CDK14: variants seen among roughly 807,000 people sequenced by gnomAD.
The protein encoded by CDK14 is cyclin dependent kinase 14, also known as cyclin-dependent kinase 14.
CDK14 carries 34 observed loss-of-function variants against 60.7 expected under a neutral mutation model. That is an observed-to-expected ratio of 0.56 (90% confidence interval 0.43 to 0.75). CDK14 has a LOEUF of 0.75. Ranked by LOEUF, CDK14 falls within the 30% of genes least tolerant of loss-of-function variation. The pLI is 0.00. For missense variants in CDK14, 482 were observed against 564.1 expected (o/e 0.85, Z 1.47); for synonymous variants, 197 against 203.7 (o/e 0.97, Z 0.28).
chr7:90,825,666 C>T (rs577472525), intron 5 of CDK14, among the ~76,000 whole-genome samples: 106 of 152,164 alleles, frequency 7.0e-4, no homozygotes, highest in Non-Finnish European at 1.2e-3. Flanking sequence ...GCAAATTATA[C>T]GAAATGTATT....
At chr7:90,810,569 G>A (rs1013202418) in intron 5 of CDK14, among the ~76,000 whole-genome samples, 13 of 152,182 alleles carry the variant, frequency 8.5e-5, no homozygotes, top group African/African-American at 3.1e-4. Flanking sequence ...CACAAGACAG[G>A]GATGCCCTCT....
chr7:91,100,587 C>A (rs1799123749), intron 12 of CDK14, among the ~76,000 whole-genome samples: 1 of 152,180 alleles, frequency 6.6e-6, no homozygotes, highest in Admixed American at 6.5e-5. Context: ...AAAATAGCAT[C>A]ATATTAGTAC....
chr7:90,886,372 C>T (rs1373113201), intron 6 of CDK14, among the ~76,000 whole-genome samples: 4 of 152,086 alleles, frequency 2.6e-5, no homozygotes, highest in African/African-American at 9.7e-5. Flanking sequence ...AGATATTTTA[C>T]CCAAAATTCT....
chr7:91,080,649 A>G (rs1462954869), intron 12 of CDK14, among the ~76,000 whole-genome samples: 1 of 152,168 alleles, frequency 6.6e-6, no homozygotes. Flanking sequence ...TACACCAGAT[A>G]ATATATACAG....
intron 8 of CDK14, among the ~76,000 whole-genome samples, chr7:90,921,077 A>G (rs1793235430): frequency 6.6e-6 from 1 of 152,208 alleles, no homozygotes. Context: ...CTGCCTGGAT[A>G]TAATAAAATG....
At chr7:91,195,000 A>G (rs771184930) in intron 14 of CDK14, among the ~76,000 whole-genome samples, 5 of 152,154 alleles carry the variant, frequency 3.3e-5, no homozygotes, top group African/African-American at 4.8e-5. Context: ...TCTGTTGCCA[A>G]TGGAAGTGAG....
chr7:90,929,511 TA>T, intron 8 of CDK14, among the ~76,000 whole-genome samples: 1 of 152,368 alleles, frequency 6.6e-6, no homozygotes. Flanking sequence ...GCTCAGATTT[TA>T]AAGTATCTCT....
At chr7:90,993,951 T>C (rs1795608011) in intron 10 of CDK14, among the ~76,000 whole-genome samples, 1 of 152,190 alleles carries the variant, frequency 6.6e-6, no homozygotes, top group South Asian at 2.1e-4. Flanking sequence ...GTCTTAAATG[T>C]TTTGAAAAAA....
chr7:91,014,074 A>G (rs1796237898), intron 10 of CDK14, among the ~76,000 whole-genome samples: 1 of 152,042 alleles, frequency 6.6e-6, no homozygotes, highest in Admixed American at 6.6e-5. Flanking sequence ...ACTAGATGAC[A>G]TCTCTTGTCT....
At chr7:90,818,702 T>C (rs1789439012) in intron 5 of CDK14, among the ~76,000 whole-genome samples, 2 of 152,216 alleles carry the variant, frequency 1.3e-5, no homozygotes, top group Admixed American at 1.3e-4. Context: ...CTCTCAACTT[T>C]GAAATTTATG....
chr7:91,088,061 C>G (rs1798690334), intron 12 of CDK14, among the ~76,000 whole-genome samples: 1 of 152,176 alleles, frequency 6.6e-6, no homozygotes. Context: ...TGTACACAAA[C>G]TGATGGATAA....
At chr7:90,989,415 C>T (rs1268848659) in intron 10 of CDK14, among the ~76,000 whole-genome samples, 2 of 152,090 alleles carry the variant, frequency 1.3e-5, no homozygotes, top group Admixed American at 1.3e-4. Flanking sequence ...TCAGCAGTTA[C>T]TCTGTAGCAC....
At position 90,882,135 on chromosome 7, in the gene CDK14, G is replaced by A. The variant is rs375298537; in HGVS notation, c.640-17156G>A. The stretch of plus-strand genomic sequence containing the variant: ...CTAAATGCCTCAATTAAAAGACACA[G>A]ACTGGCAAATTGGATAAGGAATCAA... On this transcript the variant is annotated intron_variant, in intron 6 of 14. Coordinates refer to ENST00000380050, the MANE Select transcript of CDK14 (RefSeq NM_001287135.2). Among the ~76,000 whole-genome samples the A allele has an allele frequency of 1.2e-4, 18 of 152,030 alleles. No homozygotes were observed. The South Asian group carries it at 3.7e-3, about 32-fold the overall frequency.
chr7:90,648,575 C>G (rs976257623), intron 2 of CDK14, among the ~76,000 whole-genome samples: 2 of 152,032 alleles, frequency 1.3e-5, no homozygotes, highest in Non-Finnish European at 2.9e-5. Flanking sequence ...AGATTCAGAT[C>G]TCACCCACCT....
rs567901199 is a variant in CDK14, at chr7:90,604,147, T to C, written c.92-71T>C. On this transcript the variant is annotated intron_variant, in intron 1 of 14. Coordinates refer to ENST00000380050, the MANE Select transcript of CDK14 (RefSeq NM_001287135.2). The stretch of plus-strand genomic sequence containing the variant: ...AACACCATACTGCCTTGTTTTTTTT[T>C]CTGTTTTCTATAACTTAGTCTCTTT... The C allele has an allele frequency of 5.9e-6, 6 of 1,017,774 alleles. No individual in the cohort carries two copies. In the Admixed American group the frequency reaches 1.7e-4, roughly 29 times the overall value. 63.0% of individuals were successfully genotyped at this position (1,017,774 alleles called of 1,614,324 possible). A position where few individuals can be genotyped will look rare whatever the true frequency, so the allele number is the denominator to read the frequency against.
chr7:91,083,715 G>A lies in CDK14; in HGVS notation c.1154+4235G>A, dbSNP rs140790389. The stretch of plus-strand genomic sequence containing the variant: ...CAGATAGGATTCTTGAAAGGAAAAA[G>A]AGGAGGACCTAAAATAGGAGATGCT... On this transcript the variant is annotated intron_variant, in intron 12 of 14. Transcript: ENST00000380050. Among the ~76,000 whole-genome samples, 51 of 152,312 alleles carry A rather than the reference G, an allele frequency of 3.3e-4. 3 individuals carry two copies. The highest frequency in any genetic ancestry group is 1.2e-3 in the African/African-American group (49 of 41,570).
intron 6 of CDK14, among the ~76,000 whole-genome samples, chr7:90,864,963 A>G (rs1791128799): frequency 6.6e-6 from 1 of 152,022 alleles, no homozygotes; most frequent in Admixed American, 6.6e-5. Flanking sequence ...CATCATATAG[A>G]TTACTCTTGT....
At chr7:91,052,484 A>G (rs1797420444) in intron 11 of CDK14, among the ~76,000 whole-genome samples, 1 of 152,256 alleles carries the variant, frequency 6.6e-6, no homozygotes, top group African/African-American at 2.4e-5. Flanking sequence ...TAAAATATCT[A>G]CACAAAACCA....
chr7:90,858,506 G>A (rs949066699), intron 5 of CDK14, among the ~76,000 whole-genome samples: 2 of 152,112 alleles, frequency 1.3e-5, no homozygotes, highest in African/African-American at 2.4e-5. Flanking sequence ...GACAACCTGA[G>A]GTATTAACTT....
Sources: allele counts gnomAD v4.1 joint callset (sites outside exome capture counted in the v4.1 genomes callset), GRCh38; gene constraint gnomAD v4.1.1; transcripts MANE v1.5; gene names NCBI Gene and HGNC (gene_info 2026-07-23, HGNC 2026-07-21).